Variants in XIRP2 observed in about 807,000 individuals in gnomAD.
The protein encoded by XIRP2 is xin actin binding repeat containing 2.
A neutral mutation model predicts 277.0 loss-of-function variants in XIRP2; 236 were observed. The observed-to-expected ratio is 0.85, with a 90% CI of 0.77 to 0.95. The LOEUF (loss-of-function observed/expected upper bound fraction) is 0.95. XIRP2 is among the 40% of genes least tolerant of loss of function. The pLI is 0.00. For synonymous variants in XIRP2, 1,490 were observed against 1,416.5 expected (o/e 1.05, Z -1.17); for missense variants, 4,640 against 4,157.5 (o/e 1.12, Z -3.19).
intron 3 of XIRP2, among the ~76,000 whole-genome samples, chr2:167,146,090 C>T (rs1057310720): frequency 4.7e-5 from 7 of 149,292 alleles, no homozygotes; most frequent in African/African-American, 7.4e-5. Flanking sequence ...GGGAAAGAAG[C>T]GAAGACAATT....
intron 2 of XIRP2, among the ~76,000 whole-genome samples, chr2:167,034,299 A>G (rs1448646674): frequency 2.6e-5 from 4 of 152,138 alleles, no homozygotes; most frequent in Non-Finnish European, 5.9e-5. Flanking sequence ...CAACGGATAC[A>G]CAAAACAGTA....
chr2:167,033,340 A>G (rs539983101), intron 2 of XIRP2, among the ~76,000 whole-genome samples: 23 of 152,240 alleles, frequency 1.5e-4, no homozygotes, highest in African/African-American at 5.3e-4. Context: ...CCTAATGTAG[A>G]TGAGGGGTTA....
chr2:167,064,358 G>A (rs1002221426), intron 2 of XIRP2, among the ~76,000 whole-genome samples: 3 of 151,860 alleles, frequency 2.0e-5, no homozygotes, highest in African/African-American at 7.2e-5. Flanking sequence ...CATATTATAT[G>A]CCGCATAAGA....
At chr2:167,123,908 C>A (rs1409133824) in intron 2 of XIRP2, 1 of 152,076 alleles carries the variant, frequency 6.6e-6, no homozygotes, top group African/African-American at 2.4e-5. Context: ...TCAATGAAAT[C>A]AATTCACTAA....
chr2:167,093,304 A>C (rs1301926446), intron 2 of XIRP2, among the ~76,000 whole-genome samples: 1 of 151,836 alleles, frequency 6.6e-6, no homozygotes, highest in Non-Finnish European at 1.5e-5. Context: ...ACAGATGTAC[A>C]TAAGTTTGTG....
intron 2 of XIRP2, among the ~76,000 whole-genome samples, chr2:166,909,779 G>C (rs938026230): frequency 9.9e-5 from 15 of 152,150 alleles, no homozygotes; most frequent in Non-Finnish European, 1.5e-4. Flanking sequence ...TTATTATTTT[G>C]AGATACATCC....
intron 3 of XIRP2, chr2:167,187,488 T>C (rs979638357): frequency 2.5e-5 from 25 of 985,176 alleles, no homozygotes; most frequent in Non-Finnish European, 3.0e-5. Flanking sequence ...TAAAGATATA[T>C]GATATTTCCA....
At position 167,070,032 on chromosome 2, in the gene XIRP2, C is replaced by T. The variant is rs182641594; in HGVS notation, c.409-65877C>T. Among the ~76,000 whole-genome samples the T allele has an allele frequency of 2.2e-4, 33 of 152,162 alleles. No individual in the cohort carries two copies. The East Asian group carries it at 4.9e-3, about 23-fold the overall frequency. Reference sequence around the variant, plus strand: ...CTACATTCCAATCATGTCTCAACTACCTACATGCCTGAACTGTCCTCAGTG... The same window carrying T: ...CTACATTCCAATCATGTCTCAACTATCTACATGCCTGAACTGTCCTCAGTG... On this transcript the variant is annotated intron_variant, in intron 2 of 10. Coordinates refer to ENST00000409195, the MANE Select transcript of XIRP2 (RefSeq NM_152381.6).
At chr2:167,011,713 T>G (rs923429105) in intron 2 of XIRP2, among the ~76,000 whole-genome samples, 1 of 151,706 alleles carries the variant, frequency 6.6e-6, no homozygotes, top group Admixed American at 6.6e-5. Flanking sequence ...GGACTCTTTT[T>G]GGTTGGTAAG....
chr2:166,956,520 T>C (rs1000277202), intron 2 of XIRP2, among the ~76,000 whole-genome samples: 4 of 151,824 alleles, frequency 2.6e-5, no homozygotes, highest in Admixed American at 6.6e-5. Flanking sequence ...AATTCTTATA[T>C]TGGTTGTAGA....
At chr2:167,188,609 C>T (rs1693232545) in intron 3 of XIRP2, among the ~76,000 whole-genome samples, 1 of 152,178 alleles carries the variant, frequency 6.6e-6, no homozygotes, top group African/African-American at 2.4e-5. Context: ...AGTGGCAAAA[C>T]TATTGGGTCA....
chr2:167,111,700 G>A (rs540493134), intron 2 of XIRP2, among the ~76,000 whole-genome samples: 109 of 152,228 alleles, frequency 7.2e-4, no homozygotes, highest in African/African-American at 2.6e-3. Context: ...AGGAGTTTGG[G>A]AGGAATCTCT....
intron 5 of XIRP2, among the ~76,000 whole-genome samples, chr2:167,218,718 G>A (rs1694331551): frequency 6.6e-6 from 1 of 152,102 alleles, no homozygotes; most frequent in African/African-American, 2.4e-5. Flanking sequence ...TATTGTGGTG[G>A]GGAGTTTTCT....
intron 2 of XIRP2, among the ~76,000 whole-genome samples, chr2:167,039,172 G>A (rs1688591290): frequency 6.6e-6 from 1 of 151,634 alleles, no homozygotes; most frequent in African/African-American, 2.4e-5. Context: ...CATAAAATAA[G>A]GACAACTCTA....
At chr2:167,076,145 A>C (rs915612347) in intron 2 of XIRP2, among the ~76,000 whole-genome samples, 1 of 152,190 alleles carries the variant, frequency 6.6e-6, no homozygotes, top group Non-Finnish European at 1.5e-5. Flanking sequence ...TGAAAAAAAA[A>C]GTGTTTCACT....
intron 5 of XIRP2, among the ~76,000 whole-genome samples, chr2:167,222,372 G>T (rs573945029): frequency 1.3e-5 from 2 of 152,290 alleles, no homozygotes; most frequent in South Asian, 4.1e-4. Flanking sequence ...GGTGGGAAGG[G>T]TTGAGCTTCT....
intron 3 of XIRP2, among the ~76,000 whole-genome samples, chr2:167,166,715 C>G (rs1050967369): frequency 2.6e-5 from 4 of 152,158 alleles, no homozygotes; most frequent in African/African-American, 9.7e-5. Context: ...ACAGCAAGAA[C>G]TCACTCATCA....
At chr2:167,054,692 A>AT (rs1403363538) in intron 2 of XIRP2, among the ~76,000 whole-genome samples, 1 of 151,818 alleles carries the variant, frequency 6.6e-6, no homozygotes, top group African/African-American at 2.4e-5. Flanking sequence ...GCAAAAAAAA[A>AT]AAAAAAGGAA....
chr2:167,025,302 C>T (rs1688120158), intron 2 of XIRP2, among the ~76,000 whole-genome samples: 1 of 151,968 alleles, frequency 6.6e-6, no homozygotes, highest in Non-Finnish European at 1.5e-5. Context: ...GTGGTAATAT[C>T]CCCTTTATCA....
Sources: gnomAD v4.1 joint callset for allele counts (sites outside exome capture counted in the v4.1 genomes callset) on GRCh38, gnomAD v4.1.1 for gene constraint, MANE v1.5 for transcripts, NCBI Gene and HGNC (gene_info 2026-07-23, HGNC 2026-07-21) for gene names.